Variants in USP6NL observed in about 807,000 individuals in gnomAD.
The protein encoded by USP6NL is USP6 N-terminal like.
In USP6NL, 26 loss-of-function variants were observed where a neutral mutation model predicts 61.9. The ratio of observed to expected loss-of-function variants is 0.42; its 90% confidence interval spans 0.31 to 0.58. The LOEUF (loss-of-function observed/expected upper bound fraction) is 0.58. Ranked by LOEUF, USP6NL falls within the 20% of genes least tolerant of loss-of-function variation. The probability of loss-of-function intolerance (pLI) is 0.16; values close to 1 mark genes in which losing one functional copy is unlikely to be tolerated. For synonymous variants in USP6NL, 432 were observed against 390.1 expected, an observed-to-expected ratio of 1.11 and a Z score of -1.27; for missense variants, 1,114 against 1,034.3, an observed-to-expected ratio of 1.08 and a Z score of -1.06.
In USP6NL at chr10:11,460,839, T is replaced by A. The variant is rs3489; in HGVS notation, c.*1602A>T. 14 of 152,412 alleles carry A rather than the reference T, an allele frequency of 9.2e-5. No individual in the cohort carries two copies. The highest frequency in any genetic ancestry group is 5.9e-5 in the Non-Finnish European group (4 of 68,000). The allele number at this position is 152,412 out of a possible 1,614,324, so 9.4% of individuals were successfully genotyped here. A position where few individuals can be genotyped will look rare whatever the true frequency, so the allele number is the denominator to read the frequency against. ...TTTCTCAGCTTCCACCTGACCTGCA[T>A]CAACAGCCCAGTTATTTCACCAGAA... On this transcript the variant is annotated 3_prime_UTR_variant, in exon 15 of 15. Coordinates refer to ENST00000609104, the MANE Select transcript of USP6NL (RefSeq NM_014688.5).
At chr10:11,580,212 A>G (rs767207791) in intron 2 of USP6NL, among the ~76,000 whole-genome samples, 43 of 152,200 alleles carry the variant, frequency 2.8e-4, no homozygotes, top group Non-Finnish European at 5.1e-4. Context: ...ATAGCTTTAG[A>G]CTCATTAGTT....
At position 11,520,248 on chromosome 10, in the gene USP6NL, A is replaced by G. The variant is rs551878964; in HGVS notation, c.156-1674T>C. Among the ~76,000 whole-genome samples the G allele has an allele frequency of 1.5e-4, 23 of 152,332 alleles. No individual in the cohort carries two copies. The South Asian group carries it at 3.9e-3, about 26-fold the overall frequency. On this transcript the variant is annotated intron_variant, in intron 4 of 14. Coordinates refer to ENST00000609104, the MANE Select transcript of USP6NL (RefSeq NM_014688.5). This position sits in a 1 kb window ranked among gnomAD's most constrained non-coding sequence, Gnocchi z 5.2. ...TCAAGAAGAAACGAAACTGGTTACA[A>G]ATAAAAAAGTCTTCAGACCTCATAG...
At chr10:11,526,962 G>A (rs1012164343) in intron 3 of USP6NL, among the ~76,000 whole-genome samples, 1 of 152,070 alleles carries the variant, frequency 6.6e-6, no homozygotes, top group African/African-American at 2.4e-5. Flanking sequence ...TGAACGCAAC[G>A]GATATGTAAT....
At chr10:11,512,347 G>T (rs561462301) in intron 5 of USP6NL, among the ~76,000 whole-genome samples, 1 of 152,140 alleles carries the variant, frequency 6.6e-6, no homozygotes, top group African/African-American at 2.4e-5. Flanking sequence ...ACCACACTCT[G>T]CTGGGTCCAT....
At chr10:11,563,323 C>T (rs1194154855) in intron 2 of USP6NL, 1 of 152,090 alleles carries the variant, frequency 6.6e-6, no homozygotes, top group Non-Finnish European at 1.5e-5. Context: ...GTTAAGGAAA[C>T]CTGTGGTGAT....
chr10:11,543,504 T>C (rs935723469), intron 2 of USP6NL, among the ~76,000 whole-genome samples: 2 of 151,352 alleles, frequency 1.3e-5, no homozygotes, highest in African/African-American at 4.9e-5. Flanking sequence ...ATCACGCCAC[T>C]GCACTCCAGC....
intron 14 of USP6NL, among the ~76,000 whole-genome samples, chr10:11,473,718 C>T (rs1832853768): frequency 6.6e-6 from 1 of 152,112 alleles, no homozygotes; most frequent in Admixed American, 6.5e-5. Context: ...GCCCAAGTTT[C>T]CTCCTTGGTA....
intron 2 of USP6NL, among the ~76,000 whole-genome samples, chr10:11,586,509 A>T (rs1201169431): frequency 6.6e-6 from 1 of 152,158 alleles, no homozygotes; most frequent in African/African-American, 2.4e-5. Flanking sequence ...TTTAAATACA[A>T]TTAATGTTAG....
chr10:11,488,517 G>T (rs1368135240), intron 10 of USP6NL, among the ~76,000 whole-genome samples: 3 of 152,156 alleles, frequency 2.0e-5, no homozygotes, highest in Non-Finnish European at 4.4e-5. Context: ...AAATCAGCAG[G>T]TTCTGAGATA....
rs560784443 is a variant in USP6NL at position 11,474,960 on chromosome 10, A to G, written c.1078+6810T>C. 6.6e-6 allele frequency among the ~76,000 whole-genome samples: 1 copy of G among 152,338 alleles called. No homozygotes were observed. The highest frequency in any genetic ancestry group is 1.9e-4 in the East Asian group (1 of 5,190). The stretch of plus-strand genomic sequence containing the variant: ...TAAGCACTGAAGTACCCCGAAGGCT[A>G]TGGCCATTTACCAAGACTAAAATGG... On this transcript the variant is annotated intron_variant, in intron 14 of 14. Transcript: ENST00000609104. The surrounding 1 kb of genome is among the most constrained non-coding windows in gnomAD (Gnocchi z 4.9).
intron 14 of USP6NL, among the ~76,000 whole-genome samples, chr10:11,475,883 T>G (rs563430829): frequency 4.6e-5 from 7 of 152,158 alleles, no homozygotes; most frequent in Non-Finnish European, 8.8e-5. Flanking sequence ...AAGAAAACAG[T>G]AGTCACTGTG....
At chr10:11,610,922 G>T (rs1356988687) in intron 1 of USP6NL, among the ~76,000 whole-genome samples, 1 of 152,010 alleles carries the variant, frequency 6.6e-6, no homozygotes, top group African/African-American at 2.4e-5. Flanking sequence ...GGTTGTGAGC[G>T]CCAAACTATT....
chr10:11,494,571 C>G (rs1401778951), intron 7 of USP6NL, among the ~76,000 whole-genome samples: 1 of 152,116 alleles, frequency 6.6e-6, no homozygotes, highest in Non-Finnish European at 1.5e-5. Context: ...TGCGCGGAGC[C>G]CAGTAGTGGC....
At position 11,462,689 on chromosome 10, in the gene USP6NL, T is replaced by A. The variant is rs778535142; in HGVS notation, c.2239A>T (p.Thr747Ser). The A allele has an allele frequency of 6.8e-6, 11 of 1,613,998 alleles. No individual in the cohort carries two copies. Among genetic ancestry groups the A allele is most frequent in the Middle Eastern group, 1.6e-4 (1 of 6,062 alleles). The change falls in exon 15 of 15, where the codon ACG becomes TCG. Residue 747 changes from threonine (T) to serine (S), a missense_variant. Transcript: ENST00000609104. ...TCTCGGGTCCATGATTGTCCCTGCGTCTCAGGTCTGTATGTATAACTAACT... is the reference window on the plus strand; with the variant it reads ...TCTCGGGTCCATGATTGTCCCTGCGACTCAGGTCTGTATGTATAACTAACT... ...SEVSYTYRPE[T>S]QGQSWTRDAS...
intron 13 of USP6NL, among the ~76,000 whole-genome samples, chr10:11,484,027 C>T (rs959267991): frequency 6.6e-6 from 1 of 152,112 alleles, no homozygotes; most frequent in Non-Finnish European, 1.5e-5. Context: ...TAGAACAATG[C>T]CAAGCACAGC....
rs1302532514 is a variant in USP6NL, at chr10:11,587,965, A to G, written c.4+9666T>C. On this transcript the variant is annotated intron_variant, in intron 2 of 14. Transcript: ENST00000609104. The surrounding 1 kb of genome is among the most constrained non-coding windows in gnomAD (Gnocchi z 4.5). The stretch of plus-strand genomic sequence containing the variant: ...AGAAATGGGGAATTTTCTACTAAAC[A>G]GCTAAACGTGAAGGAAATCTAGAGA... 6.6e-6 allele frequency among the ~76,000 whole-genome samples: 1 copy of G among 152,220 alleles called. No homozygotes were observed. Among genetic ancestry groups the G allele is most frequent in the African/African-American group, 2.4e-5 (1 of 41,458 alleles).
chr10:11,542,887 G>A (rs1482152036), intron 2 of USP6NL, among the ~76,000 whole-genome samples: 1 of 152,070 alleles, frequency 6.6e-6, no homozygotes, highest in African/African-American at 2.4e-5. Context: ...ACAGGGCCCC[G>A]AGCTTCTAAC....
intron 2 of USP6NL, among the ~76,000 whole-genome samples, chr10:11,544,342 A>C (rs1241755508): frequency 6.6e-6 from 1 of 152,220 alleles, no homozygotes; most frequent in Non-Finnish European, 1.5e-5. Flanking sequence ...AACTCCAAGG[A>C]GACTGACTAT....
intron 14 of USP6NL, among the ~76,000 whole-genome samples, chr10:11,464,298 T>C (rs1374969776): frequency 6.6e-6 from 1 of 152,204 alleles, no homozygotes; most frequent in Non-Finnish European, 1.5e-5. Flanking sequence ...ATAACTTTAA[T>C]GGTGGCCGGG....
Sources: allele counts gnomAD v4.1 joint callset (sites outside exome capture counted in the v4.1 genomes callset), GRCh38; gene constraint gnomAD v4.1.1; non-coding constraint Gnocchi (gnomAD v3.1); transcripts MANE v1.5; gene names NCBI Gene and HGNC (gene_info 2026-07-23, HGNC 2026-07-21).